The following VPS13A variants were observed in gnomAD, a reference collection of about 807,000 sequenced individuals.
VPS13A encodes the protein intermembrane lipid transfer protein VPS13A.
In VPS13A, 264 loss-of-function variants were observed where a neutral mutation model predicts 390.9. That is an observed-to-expected ratio of 0.68 (90% CI 0.61 to 0.75). VPS13A has a LOEUF of 0.75. VPS13A is among the 30% of genes least tolerant of loss of function. The pLI is 0.00. For missense variants in VPS13A, 3,409 were observed against 3,733.9 expected (o/e 0.91, Z 2.27); for synonymous variants, 1,231 against 1,227.1 (o/e 1.00, Z -0.07).
At chr9:77,375,329 C>G (rs1028728755) in intron 67 of VPS13A, among the ~76,000 whole-genome samples, 1 of 151,892 alleles carries the variant, frequency 6.6e-6, no homozygotes, top group African/African-American at 2.4e-5. Flanking sequence ...TTACAAGATT[C>G]AAAGATAAAA....
At chr9:77,296,860 AT>A (rs1303175363) in intron 33 of VPS13A, among the ~76,000 whole-genome samples, 1 of 151,966 alleles carries the variant, frequency 6.6e-6, no homozygotes. Flanking sequence ...TATTCAAGTT[AT>A]TTTTTCTTGA....
At chr9:77,399,603 A>G (rs1834284403) in intron 68 of VPS13A, among the ~76,000 whole-genome samples, 1 of 152,262 alleles carries the variant, frequency 6.6e-6, no homozygotes, top group Admixed American at 6.5e-5. Flanking sequence ...TGAGATCAAC[A>G]TTTGTATTCT....
Position 77,420,379 on chromosome 9 carries a change from CTTTATAT to C in VPS13A, c.*4376_*4382del, listed in dbSNP as rs1338607488. ...TTTCTTTTATTGAAACCTTTTTCTA[CTTTATAT>C]TTCCTCTTTTGTAAATTTTTCCATG... On this transcript the variant is annotated 3_prime_UTR_variant, in exon 72 of 72. Coordinates refer to ENST00000360280, the MANE Select transcript of VPS13A (RefSeq NM_033305.3). The C allele has an allele frequency of 6.6e-6, 1 of 152,000 alleles. No homozygotes were observed. The highest frequency in any genetic ancestry group is 1.5e-5 in the Non-Finnish European group (1 of 67,988). 9.4% of individuals were successfully genotyped at this position (152,000 alleles called of 1,614,324 possible).
intron 10 of VPS13A, among the ~76,000 whole-genome samples, chr9:77,218,157 G>A (rs1198202904): frequency 6.4e-5 from 8 of 124,892 alleles, no homozygotes; most frequent in South Asian, 2.5e-4. Context: ...TCTGTCTCCC[G>A]GGCTGGAGTG....
chr9:77,241,831 T>C (rs373934889), intron 19 of VPS13A, among the ~76,000 whole-genome samples: 5 of 152,182 alleles, frequency 3.3e-5, no homozygotes, highest in African/African-American at 9.6e-5. Flanking sequence ...ATCATACTTA[T>C]CATTCACAGA....
intron 23 of VPS13A, among the ~76,000 whole-genome samples, chr9:77,261,835 C>T (rs1000725580): frequency 6.6e-6 from 1 of 152,176 alleles, no homozygotes; most frequent in Non-Finnish European, 1.5e-5. Context: ...TCTGCCTGCA[C>T]TGGGCTCCCA....
intron 68 of VPS13A, among the ~76,000 whole-genome samples, chr9:77,385,389 G>T (rs1284318043): frequency 6.6e-6 from 1 of 151,532 alleles, no homozygotes; most frequent in Non-Finnish European, 1.5e-5. Flanking sequence ...GAACAAAGTT[G>T]GTTTTAATAG....
At chr9:77,207,830 C>G (rs2131135247) in intron 5 of VPS13A, among the ~76,000 whole-genome samples, 1 of 152,116 alleles carries the variant, frequency 6.6e-6, no homozygotes, top group East Asian at 1.9e-4. Context: ...GTTTCCAGTT[C>G]CTGTGTCTTT....
In VPS13A at chr9:77,251,576, T is replaced by C. The variant is rs564589487; in HGVS notation, c.2171-659T>C. On this transcript the variant is annotated intron_variant, in intron 21 of 71. Coordinates refer to ENST00000360280, the MANE Select transcript of VPS13A (RefSeq NM_033305.3). ...TTTATATTGGAGGTATTTGTGAATG[T>C]ATTTTTTTTACATGATTTATATAGT... 5.4e-4 allele frequency among the ~76,000 whole-genome samples: 82 copies of C among 152,314 alleles called. 1 individual carries two copies. Among genetic ancestry groups the C allele is most frequent in the Admixed American group, 2.1e-3 (32 of 15,306 alleles).
chr9:77,207,216 TATA>T (rs1564630128), intron 5 of VPS13A, among the ~76,000 whole-genome samples: 16 of 44,058 alleles, frequency 3.6e-4, no homozygotes, highest in African/African-American at 1.7e-3. Flanking sequence ...TTAGATATTA[TATA>T]TATATATATA....
At chr9:77,277,729 CT>C (rs1178499560) in intron 26 of VPS13A, among the ~76,000 whole-genome samples, 5 of 151,904 alleles carry the variant, frequency 3.3e-5, no homozygotes, top group Non-Finnish European at 5.9e-5. Context: ...ACCTCCATGT[CT>C]TTTCATAACT....
At chr9:77,318,953 A>AGGC (rs1208931703) in intron 41 of VPS13A, among the ~76,000 whole-genome samples, 1 of 152,086 alleles carries the variant, frequency 6.6e-6, no homozygotes, top group Non-Finnish European at 1.5e-5. Flanking sequence ...GCACGTTGGG[A>AGGC]GGCCAAAGCA....
intron 67 of VPS13A, among the ~76,000 whole-genome samples, chr9:77,376,533 T>C (rs1404520386): frequency 1.3e-5 from 2 of 152,196 alleles, no homozygotes; most frequent in African/African-American, 4.8e-5. Context: ...AGTTGATAAA[T>C]TGGATGCAGG....
chr9:77,272,149 C>T (rs765357769), intron 23 of VPS13A, among the ~76,000 whole-genome samples: 20 of 151,992 alleles, frequency 1.3e-4, no homozygotes, highest in Non-Finnish European at 2.6e-4. Flanking sequence ...GATATGTAAC[C>T]GTTATGCATT....
intron 67 of VPS13A, among the ~76,000 whole-genome samples, chr9:77,373,705 C>T (rs1026491119): frequency 1.3e-5 from 2 of 151,392 alleles, no homozygotes; most frequent in African/African-American, 4.9e-5. Flanking sequence ...AGGCAACCTA[C>T]AAAATGGGAG....
chr9:77,275,810 C>CTT (rs202033641), intron 25 of VPS13A, among the ~76,000 whole-genome samples, 158 bp downstream of exon 25: 2 of 149,916 alleles, frequency 1.3e-5, no homozygotes. Context: ...CCCGCCCCCC[C>CTT]CTTTTTTTTT....
At chr9:77,407,179 A>G (rs923013077) in intron 70 of VPS13A, among the ~76,000 whole-genome samples, 2 of 152,176 alleles carry the variant, frequency 1.3e-5, no homozygotes, top group African/African-American at 4.8e-5. Flanking sequence ...TCATGATTCT[A>G]TGGCCAGATA....
intron 7 of VPS13A, chr9:77,211,316 A>G (rs1355747666): frequency 1.3e-5 from 2 of 152,060 alleles, no homozygotes; most frequent in African/African-American, 2.4e-5. Flanking sequence ...CTTTTATATA[A>G]TATATCTATT....
chr9:77,392,519 T>G (rs554487909), intron 68 of VPS13A, among the ~76,000 whole-genome samples: 27 of 152,208 alleles, frequency 1.8e-4, no homozygotes, highest in South Asian at 1.5e-3. Context: ...TATCTTGGTG[T>G]TGTTGCTAGG....
Sources: gnomAD v4.1 joint callset for allele counts (sites outside exome capture counted in the v4.1 genomes callset) on GRCh38, gnomAD v4.1.1 for gene constraint, MANE v1.5 for transcripts, NCBI Gene and HGNC (gene_info 2026-07-23, HGNC 2026-07-21) for gene names.